Variants in PJA2 observed in about 807,000 individuals in gnomAD.
The protein encoded by PJA2 is praja ring finger ubiquitin ligase 2.
Under a neutral mutation model 69.3 loss-of-function variants are expected in PJA2, and 25 were observed. That is an observed-to-expected ratio of 0.36 (90% CI 0.26 to 0.50). The LOEUF (loss-of-function observed/expected upper bound fraction) is 0.50. Ranked by LOEUF, PJA2 falls within the 20% of genes least tolerant of loss-of-function variation. PJA2 has a pLI of 0.96. For missense variants in PJA2, 809 were observed against 830.2 expected, an observed-to-expected ratio of 0.97 and a Z score of 0.31; for synonymous variants, 308 against 277.8, an observed-to-expected ratio of 1.11 and a Z score of -1.08.
At chr5:109,379,447 T>C (rs1449068108) in intron 3 of PJA2, among the ~76,000 whole-genome samples, 193 bp from the exon 4 acceptor site, 1 of 152,220 alleles carries the variant, frequency 6.6e-6, no homozygotes, top group Non-Finnish European at 1.5e-5. Context: ...TTTATGTCAA[T>C]GTACAGCCTT....
chr5:109,368,845 C>T, intron 4 of PJA2, 99 bp from the exon 5 acceptor site: 3 of 1,251,946 alleles, frequency 2.4e-6, no homozygotes, highest in Non-Finnish European at 3.3e-6. Flanking sequence ...GTGTCCCCAC[C>T]AAATCTCATG....
Position 109,353,476 on chromosome 5 carries a change from T to C in PJA2, c.1764+2439A>G, listed in dbSNP as rs1003473988. On this transcript the variant is annotated intron_variant, in intron 7 of 9. Transcript: ENST00000361189. ...TATATTAGATACCTATATCTATAGA[T>C]ATCTAATATATTAGATATCTATAAT... 1.1e-3 allele frequency among the ~76,000 whole-genome samples: 114 copies of C among 108,336 alleles called. 5 individuals are homozygous for C. The highest frequency in any genetic ancestry group is 2.4e-3 in the Admixed American group (23 of 9,698). The allele number at this position is 108,336 out of a possible 152,430, so 71.1% of individuals were successfully genotyped here.
chr5:109,358,876 A>T (rs184581931), intron 6 of PJA2, among the ~76,000 whole-genome samples: 5 of 152,338 alleles, frequency 3.3e-5, no homozygotes, highest in Admixed American at 2.6e-4. Flanking sequence ...CCACTAATAG[A>T]TGCTAAAACT....
chr5:109,353,216 ATATC>A, intron 7 of PJA2, among the ~76,000 whole-genome samples: 1 of 142,580 alleles, frequency 7.0e-6, no homozygotes, highest in African/African-American at 2.5e-5. Context: ...ATATCTATAG[ATATC>A]TATATATTAG....
intron 6 of PJA2, among the ~76,000 whole-genome samples, chr5:109,358,160 C>T (rs563265234): frequency 6.6e-6 from 1 of 152,246 alleles, no homozygotes; most frequent in African/African-American, 2.4e-5. Flanking sequence ...AATGCCCATG[C>T]TAGAAGGTTG....
chr5:109,358,279 C>T (rs1762451255), intron 6 of PJA2, among the ~76,000 whole-genome samples: 2 of 152,242 alleles, frequency 1.3e-5, no homozygotes, highest in South Asian at 4.1e-4. Context: ...GCCTTAAGGA[C>T]ATGCTTCTGC....
intron 6 of PJA2, among the ~76,000 whole-genome samples, chr5:109,362,501 C>T (rs1762520225): frequency 6.6e-6 from 1 of 152,076 alleles, no homozygotes; most frequent in Non-Finnish European, 1.5e-5. Flanking sequence ...AAGTGGTATT[C>T]ATTAAGAAGC....
intron 6 of PJA2, among the ~76,000 whole-genome samples, chr5:109,357,793 A>G (rs1762439054): frequency 6.6e-6 from 1 of 152,220 alleles, no homozygotes; most frequent in South Asian, 2.1e-4. Context: ...CTGTTGCTGT[A>G]ATTCTGCCTG....
intron 1 of PJA2, among the ~76,000 whole-genome samples, chr5:109,394,849 G>C (rs1747372049): frequency 6.6e-6 from 1 of 152,130 alleles, no homozygotes; most frequent in South Asian, 2.1e-4. Flanking sequence ...CAGTATGGCA[G>C]ATAAAAATTT....
intron 5 of PJA2, among the ~76,000 whole-genome samples, chr5:109,364,170 C>A (rs1000091196): frequency 4.0e-5 from 6 of 151,812 alleles, no homozygotes; most frequent in Non-Finnish European, 8.8e-5. Flanking sequence ...AAGGACTCAT[C>A]AACAAAATGT....
intron 9 of PJA2, among the ~76,000 whole-genome samples, chr5:109,340,629 C>T (rs138366123): frequency 0.82 from 2,541 of 3,098 alleles, 1,036 homozygotes; most frequent in Non-Finnish European, 0.85. Context: ...CCTCCCCCTC[C>T]CCCTCCCCCT....
intron 9 of PJA2, among the ~76,000 whole-genome samples, chr5:109,343,891 T>C (rs1762128436): frequency 6.6e-6 from 1 of 151,150 alleles, no homozygotes; most frequent in East Asian, 1.9e-4. Context: ...AGGTCAGGAG[T>C]TCGAGACCAG....
intron 5 of PJA2, among the ~76,000 whole-genome samples, chr5:109,363,687 T>C (rs1392448093): frequency 6.6e-6 from 1 of 151,828 alleles, no homozygotes; most frequent in Non-Finnish European, 1.5e-5. Context: ...CACATAACTC[T>C]GCTTATTTAA....
chr5:109,363,003 C>T lies in PJA2; in HGVS notation c.1489G>A (p.Glu497Lys). The T allele has an allele frequency of 6.2e-7, 1 of 1,600,648 alleles. No individual in the cohort carries two copies. The highest frequency in any genetic ancestry group is 8.5e-7 in the Non-Finnish European group (1 of 1,170,020). The change falls in exon 6 of 10, where the codon GAG becomes AAG. Residue 497 changes from glutamate (E) to lysine (K), a missense_variant. Around this residue, in one of 4 missense-constraint regions of PJA2, gnomAD observed 700 missense variants for 639.5 expected, o/e 1.09. Coordinates refer to ENST00000361189, the MANE Select transcript of PJA2 (RefSeq NM_014819.5). ...TACTGTAACCAAGGAATTTCTCCCT[C>T]TTCCAAGGATGTCTGTTCCCTAGTA... is the stretch of plus-strand genomic sequence containing the variant. Reference protein sequence around the residue: ...LQEGEQTSLEEGEIPWLQYNE... With the variant: ...LQEGEQTSLEKGEIPWLQYNE...
At chr5:109,393,179 A>G (rs532866664) in intron 1 of PJA2, among the ~76,000 whole-genome samples, 1 of 152,338 alleles carries the variant, frequency 6.6e-6, no homozygotes, top group African/African-American at 2.4e-5. Flanking sequence ...AAATGTGATA[A>G]CCTGCTGAGA....
At chr5:109,399,049 T>C (rs1445879300) in intron 1 of PJA2, among the ~76,000 whole-genome samples, 1 of 151,860 alleles carries the variant, frequency 6.6e-6, no homozygotes, top group Non-Finnish European at 1.5e-5. Flanking sequence ...CCATCTCTAC[T>C]AAAAACACAA....
chr5:109,346,488 CA>C (rs1165571713), intron 7 of PJA2, among the ~76,000 whole-genome samples: 1 of 152,166 alleles, frequency 6.6e-6, no homozygotes, highest in Non-Finnish European at 1.5e-5. Context: ...TCACAAGAGC[CA>C]AAAGGTGGAA....
rs115784566 is a variant in PJA2 at position 109,393,389 on chromosome 5, A to G, written c.-87-9869T>C. Among the ~76,000 whole-genome samples the G allele has an allele frequency of 6.4e-3, 979 of 152,348 alleles. 8 individuals carry two copies. The highest frequency in any genetic ancestry group is 0.022 in the African/African-American group (926 of 41,584). On this transcript the variant is annotated intron_variant, in intron 1 of 9. Transcript: ENST00000361189. ...ATTTTCATATTACAGCTGTAAATAT[A>G]CATCTCTGCATTCATCTCAGAAAAC...
chr5:109,383,668 C>T (rs988008261), intron 1 of PJA2, 148 bp from the exon 2 acceptor site: 5 of 423,154 alleles, frequency 1.2e-5, no homozygotes, highest in African/African-American at 1.0e-4. Flanking sequence ...TGCCTGTGAT[C>T]CGCCTTAGAT....
Sources: gnomAD v4.1 joint callset for allele counts (sites outside exome capture counted in the v4.1 genomes callset) on GRCh38, gnomAD v4.1.1 for gene constraint, gnomAD v4.1.1 regional missense constraint, MANE v1.5 for transcripts, NCBI Gene and HGNC (gene_info 2026-07-23, HGNC 2026-07-21) for gene names.